FBRSL1: variants seen among roughly 807,000 people sequenced by gnomAD.
FBRSL1 encodes fibrosin like 1, also known as fibrosin-1-like protein.
In FBRSL1, 51 loss-of-function variants were observed where a neutral mutation model predicts 89.6. That is an observed-to-expected ratio of 0.57 (90% CI 0.45 to 0.72). FBRSL1 has a LOEUF of 0.72. Ranked by LOEUF, FBRSL1 falls within the 30% of genes least tolerant of loss-of-function variation. FBRSL1 has a pLI of 0.00. For missense variants in FBRSL1, 1,618 were observed against 1,451.8 expected (o/e 1.11, Z -1.86); for synonymous variants, 779 against 681.1 (o/e 1.14, Z -2.24).
chr12:132,501,457 G>A (rs892205240), intron 1 of FBRSL1, among the ~76,000 whole-genome samples: 10 of 152,260 alleles, frequency 6.6e-5, no homozygotes, highest in Non-Finnish European at 1.3e-4. Context: ...GGTGATGGCC[G>A]GGGGAGGGGC....
chr12:132,577,023 C>T lies in FBRSL1; in HGVS notation c.1834+92C>T, dbSNP rs529970035. 728 of 1,459,804 alleles carry T rather than the reference C, an allele frequency of 5.0e-4. 2 individuals carry two copies. The highest frequency in any genetic ancestry group is 3.9e-4 in the Non-Finnish European group (428 of 1,091,836). The allele number at this position is 1,459,804 out of a possible 1,614,324, so 90.4% of individuals were successfully genotyped here. ...TTCCTGTGCCAGGAGTGAGAGCGCTCTCTGGACCGCAGCACCAGCCTTTGC... is the reference window on the plus strand; with the variant it reads ...TTCCTGTGCCAGGAGTGAGAGCGCTTTCTGGACCGCAGCACCAGCCTTTGC... On this transcript the variant is annotated intron_variant, in intron 15 of 18. Transcript: ENST00000680143.
intron 1 of FBRSL1, among the ~76,000 whole-genome samples, chr12:132,498,746 A>G (rs553112990): frequency 2.6e-5 from 4 of 152,320 alleles, no homozygotes; most frequent in Admixed American, 2.6e-4. Context: ...TTGGGTGGCC[A>G]CCAACCTATT....
chr12:132,575,876 A>G (rs1285019866), intron 14 of FBRSL1, among the ~76,000 whole-genome samples: 1 of 152,378 alleles, frequency 6.6e-6, no homozygotes, highest in African/African-American at 2.4e-5. Flanking sequence ...AGTGCGGGTC[A>G]GAGGCAGGAC....
intron 2 of FBRSL1, chr12:132,510,453 C>T (rs2034206452): frequency 2.8e-5 from 34 of 1,232,104 alleles, no homozygotes; most frequent in Non-Finnish European, 3.2e-5. Flanking sequence ...CTGATGCCTG[C>T]AGGCACCTCC....
intron 6 of FBRSL1, among the ~76,000 whole-genome samples, chr12:132,569,631 C>G (rs1288089683): frequency 6.6e-6 from 1 of 152,190 alleles, no homozygotes; most frequent in Non-Finnish European, 1.5e-5. Flanking sequence ...CTGACTCTTG[C>G]AGGGCCTGTC....
intron 1 of FBRSL1, among the ~76,000 whole-genome samples, chr12:132,501,579 C>T (rs1269480716): frequency 1.3e-5 from 2 of 152,128 alleles, no homozygotes; most frequent in African/African-American, 4.8e-5. Context: ...CCAGTGTGGG[C>T]CATGGAAATG....
chr12:132,530,278 C>T (rs1420718159), intron 4 of FBRSL1, among the ~76,000 whole-genome samples: 1 of 152,240 alleles, frequency 6.6e-6, no homozygotes, highest in East Asian at 1.9e-4. Flanking sequence ...CTGGCTCCGG[C>T]TGCTGGGAGG....
At position 132,499,525 on chromosome 12, in the gene FBRSL1, C is replaced by T. The variant is rs868215779; in HGVS notation, c.292-8628C>T. 9.9e-5 allele frequency among the ~76,000 whole-genome samples: 15 copies of T among 152,192 alleles called. No individual in the cohort carries two copies. The highest frequency in any genetic ancestry group is 3.4e-4 in the African/African-American group (14 of 41,452). On this transcript the variant is annotated intron_variant, in intron 1 of 18. Transcript: ENST00000680143. This position sits in a 1 kb window ranked among gnomAD's most constrained non-coding sequence, Gnocchi z 4.3. ...ATTGGGATGGCAGTAAAGAGTCTGT[C>T]GTCGAAGGCTAGGAGTCACAGAGGA...
At chr12:132,561,452 G>A (rs1430498936) in intron 5 of FBRSL1, among the ~76,000 whole-genome samples, 1 of 99,528 alleles carries the variant, frequency 1.0e-5, no homozygotes, top group Admixed American at 1.1e-4. Flanking sequence ...CAGAGCCCCA[G>A]AAGGGCTCCA....
chr12:132,581,996 G>C (rs1406808232), intron 17 of FBRSL1, 66 bp from the exon 18 acceptor site: 4 of 1,404,606 alleles, frequency 2.8e-6, no homozygotes, highest in South Asian at 2.6e-5. Context: ...CCCCTACCGG[G>C]TTCTCCTGGG....
At chr12:132,525,218 G>A (rs1382776171) in intron 2 of FBRSL1, among the ~76,000 whole-genome samples, 2 of 152,240 alleles carry the variant, frequency 1.3e-5, no homozygotes, top group East Asian at 1.9e-4. Context: ...GCATGGAGCC[G>A]ACCGAAGGAG....
chr12:132,580,338 T>G (rs1390817943), intron 15 of FBRSL1, among the ~76,000 whole-genome samples: 1 of 152,200 alleles, frequency 6.6e-6, no homozygotes, highest in Admixed American at 6.5e-5. Context: ...TCCTCCTGCC[T>G]CGGCCTCCCA....
chr12:132,490,499 G>A lies in FBRSL1; in HGVS notation c.-72G>A, dbSNP rs2030651443. 5 of 951,282 alleles carry A rather than the reference G, an allele frequency of 5.3e-6. No homozygotes were observed. Among genetic ancestry groups the A allele is most frequent in the Non-Finnish European group, 6.2e-6 (5 of 802,686 alleles). The allele number at this position is 951,282 out of a possible 1,614,324, so 58.9% of individuals were successfully genotyped here. A position where few individuals can be genotyped will look rare whatever the true frequency, so the allele number is the denominator to read the frequency against. Reference sequence around the variant, plus strand: ...CTCAGCCCGGCGGCGCCGCGTAGCCGAGGGAGCCCGCCTGCTGCGAGCCAG... The same window carrying A: ...CTCAGCCCGGCGGCGCCGCGTAGCCAAGGGAGCCCGCCTGCTGCGAGCCAG... On this transcript the variant is annotated 5_prime_UTR_variant, in exon 1 of 19. Coordinates refer to ENST00000680143, the MANE Select transcript of FBRSL1 (RefSeq NM_001367871.1).
At chr12:132,495,724 C>T (rs1024809168) in intron 1 of FBRSL1, among the ~76,000 whole-genome samples, 4 of 152,232 alleles carry the variant, frequency 2.6e-5, no homozygotes, top group African/African-American at 7.2e-5. Context: ...GCAAGGGCTG[C>T]TCCCTCCGGG....
At chr12:132,562,774 A>T (rs2039244128) in intron 5 of FBRSL1, among the ~76,000 whole-genome samples, 1 of 151,862 alleles carries the variant, frequency 6.6e-6, no homozygotes, top group South Asian at 2.1e-4. Flanking sequence ...GGCTCTTGCC[A>T]TCTTACAGGC....
Position 132,528,092 on chromosome 12 carries a change from C to T in FBRSL1, c.615+104C>T. Reference sequence around the variant, plus strand: ...CCCCACAACTTAGCTCACCCCAGTCCCGTGCCCGCTTTCCCTCTGGAGCCC... The same window carrying T: ...CCCCACAACTTAGCTCACCCCAGTCTCGTGCCCGCTTTCCCTCTGGAGCCC... On this transcript the variant is annotated intron_variant, in intron 4 of 18. Transcript: ENST00000680143. 3.9e-6 allele frequency: 4 copies of T among 1,030,062 alleles called. 1 individual carries two copies. The South Asian group carries it at 5.6e-5, about 14-fold the overall frequency. 63.8% of individuals were successfully genotyped at this position (1,030,062 alleles called of 1,614,324 possible). A position where few individuals can be genotyped will look rare whatever the true frequency, so the allele number is the denominator to read the frequency against.
chr12:132,491,485 C>T (rs942565606), intron 1 of FBRSL1, among the ~76,000 whole-genome samples: 34 of 152,262 alleles, frequency 2.2e-4, no homozygotes, highest in African/African-American at 7.7e-4. Flanking sequence ...AGAGTTGGGG[C>T]AGGCGCTGTC....
In FBRSL1 at chr12:132,490,300, G is replaced by C. The variant is rs1214372874; in HGVS notation, c.-271G>C. 10 of 143,216 alleles carry C rather than the reference G, an allele frequency of 7.0e-5. No individual in the cohort carries two copies. Among genetic ancestry groups the C allele is most frequent in the Non-Finnish European group, 1.4e-4 (9 of 64,664 alleles). 8.9% of individuals were successfully genotyped at this position (143,216 alleles called of 1,614,324 possible). A position where few individuals can be genotyped will look rare whatever the true frequency, so the allele number is the denominator to read the frequency against. On this transcript the variant is annotated 5_prime_UTR_variant, in exon 1 of 19. Transcript: ENST00000680143. ...CCGCGCGCATGGGGCGCGCCCCCGG[G>C]GGGGCGGCCGAGGGCCGCTGAGCGC...
intron 2 of FBRSL1, among the ~76,000 whole-genome samples, chr12:132,521,782 G>A (rs1440220404): frequency 6.6e-6 from 1 of 152,180 alleles, no homozygotes; most frequent in Admixed American, 6.5e-5. Context: ...GCGTGCATTT[G>A]CCCTGACCAT....
Sources: gnomAD v4.1 joint callset for allele counts (sites outside exome capture counted in the v4.1 genomes callset) on GRCh38, gnomAD v4.1.1 for gene constraint, Gnocchi (gnomAD v3.1) non-coding constraint, MANE v1.5 for transcripts, NCBI Gene and HGNC (gene_info 2026-07-23, HGNC 2026-07-21) for gene names.